The following SEPTIN7 variants were observed in gnomAD, a reference collection of about 807,000 sequenced individuals.
The protein encoded by SEPTIN7 is septin-7.
SEPTIN7 carries 10 observed loss-of-function variants against 63.3 expected under a neutral mutation model. The observed-to-expected ratio is 0.16, with a 90% CI of 0.10 to 0.27. The LOEUF (loss-of-function observed/expected upper bound fraction) is 0.27. Among genes scored for constraint, SEPTIN7 ranks in the 10% least tolerant of loss-of-function variants. SEPTIN7 has a pLI of 1.00. For synonymous variants in SEPTIN7, 131 were observed against 165.3 expected, an observed-to-expected ratio of 0.79 and a Z score of 1.59; for missense variants, 310 against 521.0, an observed-to-expected ratio of 0.59 and a Z score of 3.94.
chr7:35,913,364 C>T, the SEPTIN7 span, among the ~76,000 whole-genome samples: 2 of 152,168 alleles, frequency 1.3e-5, no homozygotes, highest in African/African-American at 4.8e-5. Flanking sequence ...GGCCCTCTTC[C>T]TGGGACAAAA....
chr7:35,890,843 A>G, intron 11 of SEPTIN7, 50 bp downstream of exon 11: 2 of 1,354,888 alleles, frequency 1.5e-6, no homozygotes, highest in Non-Finnish European at 9.5e-7. Flanking sequence ...GTAGTCAATA[A>G]TCATATTGTT....
At chr7:35,878,705 A>T (rs1362760907) in intron 6 of SEPTIN7, among the ~76,000 whole-genome samples, 1 of 152,196 alleles carries the variant, frequency 6.6e-6, no homozygotes, top group Non-Finnish European at 1.5e-5. Flanking sequence ...AGAGGAGGGG[A>T]GGAATCCTAG....
intron 3 of SEPTIN7, among the ~76,000 whole-genome samples, chr7:35,838,314 C>T (rs1256813682): frequency 7.5e-4 from 1 of 1,334 alleles, no homozygotes; most frequent in African/African-American, 3.4e-3. Context: ...CCCTCCCTCC[C>T]TCCCTCCCTC....
At chr7:35,862,611 G>C (rs578160638) in intron 3 of SEPTIN7, among the ~76,000 whole-genome samples, 17 of 152,146 alleles carry the variant, frequency 1.1e-4, no homozygotes, top group African/African-American at 4.1e-4. Context: ...AGTCAAAGGG[G>C]TAAGCCCAGA....
At chr7:35,831,980 T>G (rs1438741241) in intron 2 of SEPTIN7, 1 of 349,408 alleles carries the variant, frequency 2.9e-6, no homozygotes, top group Non-Finnish European at 5.6e-6. Flanking sequence ...AATTAACCAA[T>G]GAGACTCTGC....
At chr7:35,807,458 G>A (rs1446146725) in intron 1 of SEPTIN7, among the ~76,000 whole-genome samples, 1 of 150,626 alleles carries the variant, frequency 6.6e-6, no homozygotes, top group East Asian at 2.0e-4. Flanking sequence ...TCTGCCTCCC[G>A]GGTTCACACC....
intron 3 of SEPTIN7, among the ~76,000 whole-genome samples, chr7:35,859,652 G>A (rs1224713393): frequency 4.6e-5 from 7 of 151,994 alleles, no homozygotes; most frequent in South Asian, 2.1e-4. Flanking sequence ...CAATCTTTGC[G>A]TTACATAATT....
At chr7:35,834,723 A>C (rs1475577389) in intron 3 of SEPTIN7, among the ~76,000 whole-genome samples, 1 of 152,162 alleles carries the variant, frequency 6.6e-6, no homozygotes, top group Non-Finnish European at 1.5e-5. Context: ...TAAGTATCTA[A>C]TCACTTAGTA....
chr7:35,806,348 AT>A (rs1788337853), intron 1 of SEPTIN7, among the ~76,000 whole-genome samples: 4 of 152,306 alleles, frequency 2.6e-5, no homozygotes, highest in African/African-American at 7.2e-5. Flanking sequence ...ATGATCAGTA[AT>A]TACTGGACAT....
intron 2 of SEPTIN7, 116 bp downstream of exon 2, chr7:35,831,612 T>TC (rs1378730512): frequency 3.0e-5 from 9 of 295,208 alleles, no homozygotes; most frequent in Non-Finnish European, 5.9e-5. Context: ...TATTTCTAAC[T>TC]CCACTCATAG....
chr7:35,843,739 T>C (rs887436375), intron 3 of SEPTIN7, among the ~76,000 whole-genome samples: 1 of 152,198 alleles, frequency 6.6e-6, no homozygotes, highest in Non-Finnish European at 1.5e-5. Context: ...TTTACATATA[T>C]TTTGATAAAG....
intron 10 of SEPTIN7, among the ~76,000 whole-genome samples, chr7:35,889,389 A>G (rs1211666139): frequency 1.3e-5 from 2 of 152,210 alleles, no homozygotes; most frequent in African/African-American, 2.4e-5. Flanking sequence ...AGGGGAGTCA[A>G]CTATCAGAGA....
At position 35,898,245 on chromosome 7, in the gene SEPTIN7, C is replaced by T. The variant is rs754568385; in HGVS notation, c.999-3C>T. The stretch of plus-strand genomic sequence containing the variant: ...TAATGATTACCCTTAATATTCGTGA[C>T]AGGAGCCCTCTGGCACAAATGGAAG... On this transcript the variant is annotated splice_region_variant and splice_polypyrimidine_tract_variant and intron_variant, in intron 11 of 13. Transcript: ENST00000350320. 8 of 1,535,610 alleles carry T rather than the reference C, an allele frequency of 5.2e-6. No homozygotes were observed. The highest frequency in any genetic ancestry group is 7.0e-6 in the Non-Finnish European group (8 of 1,137,702).
At chr7:35,903,722 G>A (rs962302450) in intron 13 of SEPTIN7, among the ~76,000 whole-genome samples, 3 of 151,880 alleles carry the variant, frequency 2.0e-5, no homozygotes, top group Non-Finnish European at 2.9e-5. Flanking sequence ...TTGTACCTTG[G>A]TTTTCTTTTC....
chr7:35,855,336 G>A (rs976558916), intron 3 of SEPTIN7, among the ~76,000 whole-genome samples: 2 of 152,164 alleles, frequency 1.3e-5, no homozygotes, highest in Middle Eastern at 3.2e-3. Context: ...GTTACAAACA[G>A]TGCTTAGGTT....
chr7:35,840,179 CCCT>C (rs1784338889), intron 3 of SEPTIN7, among the ~76,000 whole-genome samples: 1 of 78,126 alleles, frequency 1.3e-5, no homozygotes. Context: ...TCCTCCCTCC[CCCT>C]CCTCCTCCCC....
At chr7:35,907,520 A>G (rs1187988510), downstream of SEPTIN7, among the ~76,000 whole-genome samples, 4 of 152,116 alleles carry the variant, frequency 2.6e-5, no homozygotes, top group South Asian at 4.1e-4. Flanking sequence ...CAAAAGGATG[A>G]GGAAACTGAG....
intron 1 of SEPTIN7, among the ~76,000 whole-genome samples, chr7:35,830,421 A>G (rs1244341158): frequency 2.6e-5 from 4 of 152,134 alleles, no homozygotes; most frequent in South Asian, 4.1e-4. Context: ...GGAGCTTTAA[A>G]AAATACTGAT....
intron 1 of SEPTIN7, among the ~76,000 whole-genome samples, chr7:35,808,468 CTCAG>C (rs1269870447): frequency 2.0e-5 from 3 of 152,144 alleles, no homozygotes; most frequent in Non-Finnish European, 2.9e-5. Context: ...TACATGATAT[CTCAG>C]TCTGTTTGTG....
Sources: gnomAD v4.1 joint callset for allele counts (sites outside exome capture counted in the v4.1 genomes callset) on GRCh38, gnomAD v4.1.1 for gene constraint, MANE v1.5 for transcripts, NCBI Gene and HGNC (gene_info 2026-07-23, HGNC 2026-07-21) for gene names.